The following PCBP3 variants were observed in gnomAD, a reference collection of about 807,000 sequenced individuals.
PCBP3 encodes poly(rC)-binding protein 3.
In PCBP3, 25 loss-of-function variants were observed where a neutral mutation model predicts 52.7. The observed-to-expected ratio is 0.47, with a 90% confidence interval of 0.35 to 0.66. The LOEUF (loss-of-function observed/expected upper bound fraction) is 0.66. Ranked by LOEUF, PCBP3 falls within the 30% of genes least tolerant of loss-of-function variation. PCBP3 has a pLI of 0.01. For missense variants in PCBP3, 391 were observed against 490.3 expected (o/e 0.80, Z 1.91); for synonymous variants, 162 against 183.0 (o/e 0.89, Z 0.93).
intron 5 of PCBP3, chr21:45,873,207 C>G (rs998893476): frequency 6.6e-6 from 1 of 152,286 alleles, no homozygotes; most frequent in Non-Finnish European, 1.5e-5. Flanking sequence ...CACTCCACTG[C>G]CCTTTGGATC....
chr21:45,903,747 C>A (rs1434555468), intron 9 of PCBP3, among the ~76,000 whole-genome samples: 1 of 152,196 alleles, frequency 6.6e-6, no homozygotes, highest in Non-Finnish European at 1.5e-5. Context: ...AGACAGAGGT[C>A]TTGTCAGGAC....
At chr21:45,901,822 T>C (rs2096065299) in intron 9 of PCBP3, among the ~76,000 whole-genome samples, 1 of 152,178 alleles carries the variant, frequency 6.6e-6, no homozygotes, top group African/African-American at 2.4e-5. Context: ...GAATGAAATT[T>C]TAATGTCTTT....
At chr21:45,809,735 C>T (rs2092625950) in intron 4 of PCBP3, among the ~76,000 whole-genome samples, 1 of 152,220 alleles carries the variant, frequency 6.6e-6, no homozygotes, top group Admixed American at 6.5e-5. Flanking sequence ...TGCCTCTTCC[C>T]TGCATCATCT....
intron 1 of PCBP3, among the ~76,000 whole-genome samples, chr21:45,665,546 A>G (rs2080741511): frequency 6.6e-6 from 1 of 152,204 alleles, no homozygotes. Context: ...CAAACATACG[A>G]CCTTCCAAGG....
intron 1 of PCBP3, among the ~76,000 whole-genome samples, chr21:45,646,013 A>G (rs1207430404): frequency 6.7e-6 from 1 of 148,576 alleles, no homozygotes; most frequent in South Asian, 2.2e-4. Context: ...GCAAGGCGTC[A>G]TGGGCCCGCT....
In PCBP3 at chr21:45,853,796, G is replaced by A. The variant is rs2094147221; in HGVS notation, c.10+3701G>A. Among the ~76,000 whole-genome samples the A allele has an allele frequency of 1.3e-5, 2 of 152,246 alleles. No homozygotes were observed. Among genetic ancestry groups the A allele is most frequent in the African/African-American group, 2.4e-5 (1 of 41,456 alleles). On this transcript the variant is annotated intron_variant, in intron 5 of 17. Coordinates refer to ENST00000681687, the MANE Select transcript of PCBP3 (RefSeq NM_001384156.1). The surrounding 1 kb of genome is among the most constrained non-coding windows in gnomAD (Gnocchi z 4.6). Reference sequence around the variant, plus strand: ...ACACACATACTTTGCAAGAGCATATGTGAGTAAGAGTCAGGCACTCGGTGT... The same window carrying A: ...ACACACATACTTTGCAAGAGCATATATGAGTAAGAGTCAGGCACTCGGTGT...
intron 5 of PCBP3, among the ~76,000 whole-genome samples, chr21:45,891,563 C>A (rs879507113): frequency 6.6e-6 from 1 of 152,188 alleles, no homozygotes; most frequent in African/African-American, 2.4e-5. Flanking sequence ...GGGCACCTGT[C>A]GGCGGGCAGT....
rs755874546 is a variant in PCBP3 at position 45,901,015 on chromosome 21, A to G, written c.241A>G (p.Ile81Val). 5.6e-6 allele frequency: 9 copies of G among 1,613,584 alleles called. No homozygotes were observed. The highest frequency in any genetic ancestry group is 7.6e-6 in the Non-Finnish European group (9 of 1,179,494). Reference protein sequence around the residue: ...MREESGARINISEGNCPERIV... With the variant: ...MREESGARINVSEGNCPERIV... Reference sequence around the variant, plus strand: ...ACCTTAGAGTGGTGCAAGGATCAACATCTCAGAGGGAAACTGCCCAGAGAG... The same window carrying G: ...ACCTTAGAGTGGTGCAAGGATCAACGTCTCAGAGGGAAACTGCCCAGAGAG... The change falls in exon 9 of 18, where the codon ATC becomes GTC. Residue 81 changes from isoleucine to valine, a missense_variant. Ile to Val is a conservative substitution (Grantham distance 29, BLOSUM62 3). Coordinates refer to ENST00000681687, the MANE Select transcript of PCBP3 (RefSeq NM_001384156.1).
Position 45,856,588 on chromosome 21 carries a change from C to T in PCBP3, c.10+6493C>T, listed in dbSNP as rs928362349. Among the ~76,000 whole-genome samples the T allele has an allele frequency of 3.9e-5, 6 of 152,054 alleles. No homozygotes were observed. In the East Asian group the frequency reaches 9.6e-4, roughly 24 times the overall value. The stretch of plus-strand genomic sequence containing the variant: ...CCTAGTTGTGTAAAAGTGTGTGGCA[C>T]GCCCCCCCCACCCCCGCTCTGCCCC... On this transcript the variant is annotated intron_variant, in intron 5 of 17. Coordinates refer to ENST00000681687, the MANE Select transcript of PCBP3 (RefSeq NM_001384156.1).
chr21:45,663,459 A>C (rs550262107), intron 1 of PCBP3, among the ~76,000 whole-genome samples: 2 of 151,156 alleles, frequency 1.3e-5, no homozygotes, highest in South Asian at 4.3e-4. Context: ...AAACCCACCG[A>C]CCCTGTGGGG....
intron 1 of PCBP3, among the ~76,000 whole-genome samples, chr21:45,651,467 A>G (rs1412083273): frequency 1.3e-5 from 2 of 152,244 alleles, no homozygotes; most frequent in Non-Finnish European, 1.5e-5. Context: ...TATGTATGAT[A>G]TGCATATCCT....
At chr21:45,665,901 C>T (rs541771804) in intron 1 of PCBP3, among the ~76,000 whole-genome samples, 14 of 152,254 alleles carry the variant, frequency 9.2e-5, no homozygotes, top group Non-Finnish European at 1.8e-4. Context: ...AATCCAACAA[C>T]GTATCAAAAA....
intron 2 of PCBP3, among the ~76,000 whole-genome samples, chr21:45,702,172 C>T (rs2083167913): frequency 1.3e-5 from 2 of 152,286 alleles, no homozygotes; most frequent in South Asian, 4.1e-4. Context: ...AACATGGAGT[C>T]TGAAACACTA....
At chr21:45,932,229 G>T (rs929665389) in intron 15 of PCBP3, among the ~76,000 whole-genome samples, 2 of 148,688 alleles carry the variant, frequency 1.3e-5, no homozygotes, top group Non-Finnish European at 3.0e-5. Context: ...TGAGATGAAC[G>T]AACACCTGGG....
At chr21:45,842,970 T>C (rs1000379278) in intron 4 of PCBP3, among the ~76,000 whole-genome samples, 6 of 152,234 alleles carry the variant, frequency 3.9e-5, no homozygotes, top group Admixed American at 3.9e-4. Flanking sequence ...GAGACTGTTT[T>C]TTTCCAGTGT....
intron 5 of PCBP3, chr21:45,871,604 A>G (rs1446038029): frequency 6.6e-6 from 1 of 152,290 alleles, no homozygotes; most frequent in Non-Finnish European, 1.5e-5. Context: ...CTTATCTTCA[A>G]TCCTTGCTGG....
intron 2 of PCBP3, among the ~76,000 whole-genome samples, chr21:45,714,950 G>T (rs2084109798): frequency 6.6e-6 from 1 of 152,208 alleles, no homozygotes; most frequent in South Asian, 2.1e-4. Flanking sequence ...GTGTTTGTAA[G>T]AGCAAAACAC....
intron 5 of PCBP3, among the ~76,000 whole-genome samples, chr21:45,869,615 C>T (rs2094917310): frequency 1.3e-5 from 2 of 152,214 alleles, no homozygotes; most frequent in South Asian, 4.1e-4. Context: ...GGCTGCAGCC[C>T]TCAGCCTGCA....
At chr21:45,907,274 C>G (rs1253961754) in intron 9 of PCBP3, among the ~76,000 whole-genome samples, 3 of 152,182 alleles carry the variant, frequency 2.0e-5, no homozygotes, top group African/African-American at 7.2e-5. Flanking sequence ...TGTTCCAGAG[C>G]TTTTTCAGTG....
Sources: allele counts gnomAD v4.1 joint callset (sites outside exome capture counted in the v4.1 genomes callset), GRCh38; gene constraint gnomAD v4.1.1; non-coding constraint Gnocchi (gnomAD v3.1); transcripts MANE v1.5; gene names NCBI Gene and HGNC (gene_info 2026-07-23, HGNC 2026-07-21).